The following FBXL17 variants were observed in gnomAD, a reference collection of about 807,000 sequenced individuals.
FBXL17 encodes the protein F-box/LRR-repeat protein 17.
Under a neutral mutation model 66.2 loss-of-function variants are expected in FBXL17, and 22 were observed. The observed-to-expected ratio is 0.33, with a 90% CI of 0.24 to 0.47. The LOEUF is 0.47. FBXL17 is among the 20% of genes least tolerant of loss of function. The probability of loss-of-function intolerance (pLI) is 1.00; values close to 1 mark genes in which losing one functional copy is unlikely to be tolerated. For missense variants in FBXL17, 878 were observed against 948.2 expected (o/e 0.93, Z 0.97); for synonymous variants, 474 against 400.5 (o/e 1.18, Z -2.19).
At chr5:108,140,955 G>T (rs529212545) in intron 6 of FBXL17, among the ~76,000 whole-genome samples, 7 of 151,814 alleles carry the variant, frequency 4.6e-5, no homozygotes, top group Admixed American at 4.6e-4. Context: ...CCCTTGGCTG[G>T]AACACCTGAA....
chr5:107,982,673 A>C (rs1752872721), intron 7 of FBXL17, among the ~76,000 whole-genome samples: 1 of 152,198 alleles, frequency 6.6e-6, no homozygotes, highest in Non-Finnish European at 1.5e-5. Flanking sequence ...CCTGATTATA[A>C]TGTCATGTTA....
chr5:108,301,500 A>T (rs536896869), intron 4 of FBXL17, among the ~76,000 whole-genome samples: 3 of 151,754 alleles, frequency 2.0e-5, no homozygotes, highest in African/African-American at 7.2e-5. Context: ...TCTAATGGGG[A>T]AAAAAAGTAA....
At chr5:107,958,183 T>A (rs1196632555) in intron 7 of FBXL17, among the ~76,000 whole-genome samples, 1 of 151,752 alleles carries the variant, frequency 6.6e-6, no homozygotes, top group Non-Finnish European at 1.5e-5. Flanking sequence ...GGAGAAAAGA[T>A]AGCCCAGGTT....
intron 7 of FBXL17, among the ~76,000 whole-genome samples, chr5:107,983,079 C>A (rs1752884583): frequency 6.6e-6 from 1 of 152,096 alleles, no homozygotes; most frequent in Non-Finnish European, 1.5e-5. Context: ...TTAATTCATA[C>A]AAGTCCTATT....
intron 6 of FBXL17, among the ~76,000 whole-genome samples, chr5:108,044,555 T>C (rs1006839189): frequency 6.6e-6 from 1 of 152,226 alleles, no homozygotes; most frequent in African/African-American, 2.4e-5. Context: ...TGCTCACATT[T>C]GTAAAGGATT....
chr5:108,160,289 C>T (rs915304733), intron 6 of FBXL17, among the ~76,000 whole-genome samples: 2 of 152,128 alleles, frequency 1.3e-5, no homozygotes, highest in South Asian at 2.1e-4. Context: ...TCTTAGAAAA[C>T]GGGTTACACA....
chr5:108,144,695 T>A (rs1751490773), intron 6 of FBXL17, among the ~76,000 whole-genome samples: 1 of 152,150 alleles, frequency 6.6e-6, no homozygotes, highest in Admixed American at 6.5e-5. Context: ...TCTAATAGAT[T>A]TTGCATACTT....
intron 7 of FBXL17, among the ~76,000 whole-genome samples, chr5:107,914,867 T>C (rs1750075371): frequency 6.6e-6 from 1 of 152,182 alleles, no homozygotes; most frequent in Admixed American, 6.6e-5. Context: ...AAACCTTACA[T>C]ATAACTAGAA....
intron 6 of FBXL17, among the ~76,000 whole-genome samples, chr5:108,157,465 G>C (rs1381330320): frequency 6.6e-6 from 1 of 151,150 alleles, no homozygotes; most frequent in Non-Finnish European, 1.5e-5. Context: ...GGAAAATATA[G>C]GAAAACTCAC....
At chr5:108,171,388 C>T (rs1262798574) in intron 6 of FBXL17, among the ~76,000 whole-genome samples, 2 of 152,178 alleles carry the variant, frequency 1.3e-5, no homozygotes, top group Non-Finnish European at 2.9e-5. Flanking sequence ...TCAATCCTGG[C>T]TCTGCACTTG....
intron 4 of FBXL17, among the ~76,000 whole-genome samples, chr5:108,344,218 A>T (rs1157797317): frequency 6.6e-6 from 1 of 152,144 alleles, no homozygotes; most frequent in Non-Finnish European, 1.5e-5. Flanking sequence ...TTGATCCTAC[A>T]TCATTCATGT....
intron 6 of FBXL17, among the ~76,000 whole-genome samples, chr5:108,154,129 CA>C (rs937380155): frequency 3.3e-5 from 5 of 151,790 alleles, no homozygotes; most frequent in Admixed American, 6.6e-5. Flanking sequence ...CACCTTCCAT[CA>C]AACAGCAAAC....
intron 5 of FBXL17, among the ~76,000 whole-genome samples, chr5:108,200,901 T>A (rs953462274): frequency 5.9e-5 from 9 of 152,148 alleles, no homozygotes; most frequent in African/African-American, 1.7e-4. Flanking sequence ...TCTATTGGAC[T>A]CTATTACTGG....
chr5:108,354,955 G>T (rs1392303586), intron 3 of FBXL17, among the ~76,000 whole-genome samples: 1 of 151,912 alleles, frequency 6.6e-6, no homozygotes, highest in East Asian at 1.9e-4. Context: ...GAGAAATAAA[G>T]ACTTTGTCTA....
chr5:108,375,406 G>A (rs892243958), intron 1 of FBXL17, among the ~76,000 whole-genome samples: 2 of 138,470 alleles, frequency 1.4e-5, no homozygotes, highest in South Asian at 2.3e-4. Context: ...AAATTGGCTA[G>A]ACTAAGAATA....
chr5:108,048,476 A>G (rs1747344251), intron 6 of FBXL17, among the ~76,000 whole-genome samples: 2 of 152,226 alleles, frequency 1.3e-5, no homozygotes, highest in South Asian at 4.1e-4. Context: ...TGACAAAAGT[A>G]GGCTTCAGAA....
chr5:108,149,231 T>C (rs1168498112), intron 6 of FBXL17, among the ~76,000 whole-genome samples: 1 of 152,250 alleles, frequency 6.6e-6, no homozygotes, highest in African/African-American at 2.4e-5. Context: ...TTTATCTTTC[T>C]TGTATCCTTC....
intron 4 of FBXL17, among the ~76,000 whole-genome samples, chr5:108,312,848 G>A (rs1759188694): frequency 6.6e-6 from 1 of 152,014 alleles, no homozygotes; most frequent in Non-Finnish European, 1.5e-5. Flanking sequence ...TAAGTTATCA[G>A]CATAATCATT....
chr5:107,918,032 G>A (rs1032189593), intron 7 of FBXL17, among the ~76,000 whole-genome samples: 6 of 152,276 alleles, frequency 3.9e-5, no homozygotes, highest in African/African-American at 1.4e-4. Flanking sequence ...CCTCAGTGAA[G>A]GTCTCCTTCT....
Sources: allele counts gnomAD v4.1 joint callset (sites outside exome capture counted in the v4.1 genomes callset), GRCh38; gene constraint gnomAD v4.1.1; transcripts MANE v1.5; gene names NCBI Gene and HGNC (gene_info 2026-07-23, HGNC 2026-07-21).